TRMT11: variants seen among roughly 807,000 people sequenced by gnomAD.
The protein encoded by TRMT11 is tRNA methyltransferase 11, also known as tRNA (guanine(10)-N(2))-methyltransferase TRMT11.
TRMT11 carries 53 observed loss-of-function variants against 62.8 expected under a neutral mutation model. The observed-to-expected ratio is 0.84, with a 90% CI of 0.68 to 1.06. The LOEUF is 1.06. Among genes scored for constraint, TRMT11 ranks in the 50% least tolerant of loss-of-function variants. The probability of loss-of-function intolerance (pLI) is 0.00; values close to 1 mark genes in which losing one functional copy is unlikely to be tolerated. For missense variants in TRMT11, 556 were observed against 553.4 expected, an observed-to-expected ratio of 1.00 and a Z score of -0.05; for synonymous variants, 188 against 190.3, an observed-to-expected ratio of 0.99 and a Z score of 0.10.
intron 17 of TRMT11, among the ~76,000 whole-genome samples, chr6:126,111,974 G>A (rs1187885899): frequency 6.6e-6 from 1 of 152,114 alleles, no homozygotes; most frequent in African/African-American, 2.4e-5. Context: ...ATTACTGAAT[G>A]ATGGTCTTAG....
At chr6:126,263,907 A>C in the TRMT11 span, among the ~76,000 whole-genome samples, 1 of 152,242 alleles carries the variant, frequency 6.6e-6, no homozygotes, top group East Asian at 1.9e-4. Context: ...TCTACCTTTA[A>C]AAATTATATT....
chr6:126,192,566 T>C (rs1778615771), intron 1 of TRMT11, among the ~76,000 whole-genome samples: 1 of 152,154 alleles, frequency 6.6e-6, no homozygotes, highest in Non-Finnish European at 1.5e-5. Context: ...CAGTATGAGA[T>C]TAGCTGTGGG....
intron 17 of TRMT11, among the ~76,000 whole-genome samples, chr6:126,056,344 C>A (rs906917088): frequency 4.6e-5 from 7 of 152,080 alleles, no homozygotes; most frequent in African/African-American, 9.7e-5. Flanking sequence ...CCCAAGAAGT[C>A]CTTTTATTTG....
intron 10 of TRMT11, 50 bp downstream of exon 10, chr6:126,012,902 G>A (rs1794438122): frequency 6.2e-7 from 1 of 1,608,352 alleles, no homozygotes; most frequent in Admixed American, 1.7e-5. Flanking sequence ...AGAGGCATGT[G>A]GCTTCCCCGT....
exon 1 of TRMT11, chr6:126,177,324 G>T (rs1275742132): frequency 6.6e-6 from 1 of 152,060 alleles, no homozygotes; most frequent in Non-Finnish European, 1.5e-5. Context: ...CATAAAGCAG[G>T]ATTTAATGCA....
intron 3 of TRMT11, among the ~76,000 whole-genome samples, chr6:126,200,627 T>A (rs1039141816): frequency 1.1e-4 from 16 of 152,192 alleles, no homozygotes; most frequent in African/African-American, 3.6e-4. Flanking sequence ...CAATCTCGGC[T>A]CACTGCAAGC....
At chr6:126,131,483 A>G (rs1326046641) in intron 21 of TRMT11, among the ~76,000 whole-genome samples, 1 of 152,016 alleles carries the variant, frequency 6.6e-6, no homozygotes, top group Non-Finnish European at 1.5e-5. Context: ...TTTCAAGTAA[A>G]TCCTCAACTC....
intron 7 of TRMT11, among the ~76,000 whole-genome samples, chr6:126,002,382 A>G (rs1167935460): frequency 6.6e-6 from 1 of 152,126 alleles, no homozygotes; most frequent in Admixed American, 6.6e-5. Flanking sequence ...ACCTTCTTCC[A>G]CAGTGAGAAC....
At chr6:126,121,117 T>C (rs552824115) in intron 21 of TRMT11, among the ~76,000 whole-genome samples, 1 of 152,228 alleles carries the variant, frequency 6.6e-6, no homozygotes, top group Non-Finnish European at 1.5e-5. Context: ...TTATATGGTG[T>C]TTTCATATTA....
intron 21 of TRMT11, among the ~76,000 whole-genome samples, chr6:126,171,499 T>G (rs571718857): frequency 1.3e-5 from 2 of 152,288 alleles, no homozygotes; most frequent in South Asian, 4.1e-4. Context: ...TAATTTATTT[T>G]TAATTATTTC....
At chr6:126,127,767 G>T (rs1043130649) in intron 21 of TRMT11, among the ~76,000 whole-genome samples, 3 of 151,082 alleles carry the variant, frequency 2.0e-5, no homozygotes, top group South Asian at 2.1e-4. Context: ...TGCTGAACGC[G>T]CCCGATCTCG....
intron 12 of TRMT11, among the ~76,000 whole-genome samples, chr6:126,034,468 G>A (rs984877141): frequency 6.6e-6 from 1 of 151,972 alleles, no homozygotes; most frequent in African/African-American, 2.4e-5. Flanking sequence ...GCCATTTATG[G>A]CTAGCACAAA....
the TRMT11 span, among the ~76,000 whole-genome samples, chr6:126,234,829 G>A: frequency 2.6e-5 from 4 of 152,168 alleles, no homozygotes; most frequent in African/African-American, 9.6e-5. Flanking sequence ...GTTCAAGCCA[G>A]TGTGCAGTCT....
chr6:126,197,109 C>T (rs1778676395), intron 1 of TRMT11, among the ~76,000 whole-genome samples: 1 of 152,138 alleles, frequency 6.6e-6, no homozygotes, highest in East Asian at 1.9e-4. Flanking sequence ...ACCTATTTAT[C>T]AACTTTACAT....
chr6:126,121,734 A>G (rs894604300), intron 21 of TRMT11, among the ~76,000 whole-genome samples: 4 of 152,112 alleles, frequency 2.6e-5, no homozygotes, highest in African/African-American at 7.2e-5. Flanking sequence ...AGAATCCATC[A>G]TGTCCAGGAC....
chr6:126,043,764 T>C (rs1394472592), downstream of TRMT11, among the ~76,000 whole-genome samples: 3 of 150,296 alleles, frequency 2.0e-5, no homozygotes, highest in Non-Finnish European at 4.5e-5. Flanking sequence ...TGTGAGATGG[T>C]ATCTCATTGT....
At chr6:126,062,617 A>C (rs1379421540) in intron 17 of TRMT11, among the ~76,000 whole-genome samples, 2 of 152,212 alleles carry the variant, frequency 1.3e-5, no homozygotes, top group Non-Finnish European at 2.9e-5. Flanking sequence ...CACATGAATG[A>C]ATAACTTATC....
intron 7 of TRMT11, among the ~76,000 whole-genome samples, chr6:126,001,691 C>T (rs188339673): frequency 4.5e-4 from 68 of 152,136 alleles, no homozygotes; most frequent in Middle Eastern, 3.4e-3. Context: ...CTTATCCAGT[C>T]TCCTCTCACC....
At chr6:126,101,047 C>G (rs1777394012) in intron 17 of TRMT11, among the ~76,000 whole-genome samples, 1 of 152,134 alleles carries the variant, frequency 6.6e-6, no homozygotes, top group Non-Finnish European at 1.5e-5. Context: ...TCACATTACT[C>G]AGGGGTAATG....
Sources: gnomAD v4.1 joint callset for allele counts (sites outside exome capture counted in the v4.1 genomes callset) on GRCh38, gnomAD v4.1.1 for gene constraint, MANE v1.5 for transcripts, NCBI Gene and HGNC (gene_info 2026-07-23, HGNC 2026-07-21) for gene names.